The following DDX60 variants were observed in gnomAD, a reference collection of about 807,000 sequenced individuals.
DDX60 encodes the protein DExD/H-box helicase 60.
Under a neutral mutation model 212.8 loss-of-function variants are expected in DDX60, and 165 were observed. That is an observed-to-expected ratio of 0.78 (90% CI 0.68 to 0.88). The LOEUF (loss-of-function observed/expected upper bound fraction) is 0.88. Among genes scored for constraint, DDX60 ranks in the 40% least tolerant of loss-of-function variants. DDX60 has a pLI of 0.00. For missense variants in DDX60, 1,905 were observed against 2,003.9 expected (o/e 0.95, Z 0.94); for synonymous variants, 703 against 685.3 (o/e 1.03, Z -0.40).
intron 6 of DDX60, among the ~76,000 whole-genome samples, chr4:168,298,118 C>T (rs931747934): frequency 7.3e-5 from 11 of 151,610 alleles, no homozygotes; most frequent in South Asian, 2.1e-4. Flanking sequence ...TAATTACAAA[C>T]GTAATTACCA....
chr4:168,236,112 T>C, intron 33 of DDX60, 140 bp downstream of exon 33: 3 of 769,584 alleles, frequency 3.9e-6, no homozygotes, highest in Non-Finnish European at 5.8e-6. Flanking sequence ...AATATCACAC[T>C]GATTACAAAA....
chr4:168,288,792 G>A (rs978569577), intron 8 of DDX60, among the ~76,000 whole-genome samples: 1 of 152,122 alleles, frequency 6.6e-6, no homozygotes, highest in African/African-American at 2.4e-5. Context: ...TACCTGGCTG[G>A]TCTCCATGCT....
intron 15 of DDX60, 111 bp downstream of exon 15, chr4:168,275,904 A>T (rs1735313345): frequency 1.0e-6 from 1 of 1,002,566 alleles, no homozygotes. Flanking sequence ...TAATAATAGT[A>T]TTTTCAGTAA....
Position 168,275,421 on chromosome 4 carries a change from A to G in DDX60, c.2228T>C (p.Met743Thr). 6.2e-7 allele frequency: 1 copy of G among 1,613,302 alleles called. No homozygotes were observed. The highest frequency in any genetic ancestry group is 1.3e-5 in the African/African-American group (1 of 75,014). The change falls in exon 16 of 38, where the codon ATG becomes ACG. Residue 743 changes from methionine to threonine, a missense_variant. Transcript: ENST00000393743. Reference sequence around the variant, plus strand: ...CTCATCTCGTATCAAATAATGGCCCATGTATTGCAGTTGGAACCGAGCTGG... The same window carrying G: ...CTCATCTCGTATCAAATAATGGCCCGTGTATTGCAGTTGGAACCGAGCTGG... ...IGPARFQLQY[M>T]GHYLIRDERK...
intron 1 of DDX60, among the ~76,000 whole-genome samples, chr4:168,315,888 C>T (rs1737349416): frequency 6.6e-6 from 1 of 152,164 alleles, no homozygotes; most frequent in Non-Finnish European, 1.5e-5. Flanking sequence ...AATCAACATA[C>T]ATGTGCATGT....
intron 3 of DDX60, among the ~76,000 whole-genome samples, chr4:168,310,186 G>A (rs752769257): frequency 2.6e-5 from 4 of 152,048 alleles, no homozygotes; most frequent in Admixed American, 6.6e-5. Flanking sequence ...TCAACACAAC[G>A]ATGCTGAAGT....
chr4:168,282,845 A>G (rs1053242154), intron 13 of DDX60, among the ~76,000 whole-genome samples: 33 of 152,176 alleles, frequency 2.2e-4, no homozygotes, highest in African/African-American at 8.0e-4. Flanking sequence ...TAGTATTATT[A>G]TTCCAGAAAT....
At chr4:168,299,157 C>CAAAAAAAAAAAAAAAAAAAAAAA (rs1197872492) in intron 6 of DDX60, among the ~76,000 whole-genome samples, 3 of 61,936 alleles carry the variant, frequency 4.8e-5, no homozygotes, top group Admixed American at 2.3e-4. Context: ...GAGACTGTCT[C>CAAAAAAAAAAAAAAAAAAAAAAA]AAAAAAAAAA....
intron 4 of DDX60, among the ~76,000 whole-genome samples, chr4:168,307,463 A>G (rs1477577004): frequency 6.6e-6 from 1 of 152,194 alleles, no homozygotes; most frequent in Non-Finnish European, 1.5e-5. Context: ...TTATTGTTAG[A>G]GACTGGGTCT....
At chr4:168,272,161 A>C in intron 18 of DDX60, 23 bp from the exon 19 acceptor site, 5 of 1,543,554 alleles carry the variant, frequency 3.2e-6, no homozygotes, top group Non-Finnish European at 4.4e-6. Flanking sequence ...ATATTGTGTG[A>C]AGTAACATTT....
chr4:168,297,279 A>G (rs1317438499), intron 6 of DDX60, among the ~76,000 whole-genome samples: 10 of 139,970 alleles, frequency 7.1e-5, no homozygotes, highest in African/African-American at 3.1e-4. Context: ...AAAAGAAAGA[A>G]AGAAAGAGAG....
In DDX60 at chr4:168,275,400, T is replaced by A. The variant is rs2149521509; in HGVS notation, c.2249A>T (p.Asp750Val). The A allele has an allele frequency of 6.2e-7, 1 of 1,613,086 alleles. No individual in the cohort carries two copies. Among genetic ancestry groups the A allele is most frequent in the South Asian group, 1.1e-5 (1 of 90,776 alleles). ...CCTGGGATCTGGGTCTTTTCTCTCA[T>A]CTCGTATCAAATAATGGCCCATGTA... ...LQYMGHYLIR[D>V]ERKDPDPRVQ... is the part of the protein sequence containing the mutation. Residue 750 changes from aspartate (D) to valine (V), a missense_variant, in exon 16 of 38, where the codon GAT (aspartate) becomes GTT (valine). Physicochemically the swap from Asp to Val is radical, Grantham distance 152 (BLOSUM62 -3). Coordinates refer to ENST00000393743, the MANE Select transcript of DDX60 (RefSeq NM_017631.6).
At chr4:168,325,267 G>A in the DDX60 span, among the ~76,000 whole-genome samples, 2 of 152,266 alleles carry the variant, frequency 1.3e-5, no homozygotes, top group East Asian at 3.9e-4. Flanking sequence ...CTGACATGTG[G>A]CTTTGTAAGA....
intron 10 of DDX60, among the ~76,000 whole-genome samples, chr4:168,286,543 C>T (rs963144803): frequency 4.0e-5 from 6 of 151,752 alleles, no homozygotes; most frequent in African/African-American, 1.5e-4. Context: ...GGTTAACCAC[C>T]ATTGCTCTGC....
At chr4:168,315,106 A>G (rs1036304307) in intron 1 of DDX60, among the ~76,000 whole-genome samples, 4 of 152,342 alleles carry the variant, frequency 2.6e-5, no homozygotes, top group East Asian at 1.9e-4. Flanking sequence ...CAAGGTATTT[A>G]CCATCTCTGA....
At chr4:168,282,392 G>A (rs1735632146) in intron 13 of DDX60, among the ~76,000 whole-genome samples, 1 of 152,160 alleles carries the variant, frequency 6.6e-6, no homozygotes, top group African/African-American at 2.4e-5. Flanking sequence ...GCTTGACAAA[G>A]AGATGCACAT....
intron 25 of DDX60, among the ~76,000 whole-genome samples, chr4:168,260,117 CT>C (rs1016101534): frequency 6.6e-6 from 1 of 151,966 alleles, no homozygotes; most frequent in African/African-American, 2.4e-5. Context: ...TCTTTAATTT[CT>C]TTTTTTAAAA....
intron 6 of DDX60, among the ~76,000 whole-genome samples, chr4:168,294,227 A>ATT (rs1410592507): frequency 2.0e-5 from 3 of 152,188 alleles, no homozygotes; most frequent in Non-Finnish European, 4.4e-5. Flanking sequence ...ATGAAATGAA[A>ATT]TTAGATCCTC....
intron 11 of DDX60, 139 bp downstream of exon 11, chr4:168,285,254 T>C: frequency 1.6e-6 from 1 of 644,892 alleles, no homozygotes; most frequent in Non-Finnish European, 2.7e-6. Context: ...ATTGAAAATT[T>C]TGATTTTAAA....
Sources: gnomAD v4.1 joint callset for allele counts (sites outside exome capture counted in the v4.1 genomes callset) on GRCh38, gnomAD v4.1.1 for gene constraint, MANE v1.5 for transcripts, NCBI Gene and HGNC (gene_info 2026-07-23, HGNC 2026-07-21) for gene names.